Variants in LONRF2 observed in about 807,000 individuals in gnomAD.
The protein encoded by LONRF2 is LON peptidase N-terminal domain and RING finger protein 2.
A neutral mutation model predicts 66.6 loss-of-function variants in LONRF2; 35 were observed. The ratio of observed to expected loss-of-function variants is 0.53; its 90% CI spans 0.40 to 0.70. LONRF2 has a LOEUF of 0.70. LONRF2 is among the 30% of genes least tolerant of loss of function. The pLI is 0.00. For synonymous variants in LONRF2, 417 were observed against 418.1 expected, an observed-to-expected ratio of 1.00 and a Z score of 0.03; for missense variants, 902 against 1,002.1, an observed-to-expected ratio of 0.90 and a Z score of 1.35.
At chr2:100,308,552 C>T (rs1274923303) in intron 2 of LONRF2, among the ~76,000 whole-genome samples, 2 of 152,128 alleles carry the variant, frequency 1.3e-5, no homozygotes, top group African/African-American at 4.8e-5. Context: ...TATTCTTTGG[C>T]TTCTTAAACT....
intron 8 of LONRF2, among the ~76,000 whole-genome samples, chr2:100,294,960 T>C (rs899973144): frequency 1.3e-5 from 2 of 151,392 alleles, no homozygotes; most frequent in African/African-American, 4.8e-5. Context: ...AACAAATACA[T>C]TTATATTATT....
At chr2:100,295,678 T>C in intron 7 of LONRF2, 125 bp from the exon 8 acceptor site, 1 of 918,516 alleles carries the variant, frequency 1.1e-6, no homozygotes, top group Non-Finnish European at 1.6e-6. Flanking sequence ...GGAAAAGGGA[T>C]GGAGAGAGAG....
chr2:100,299,826 C>T lies in LONRF2; in HGVS notation c.1158G>A (p.Ala386=), dbSNP rs373611734. Residue 386 remains alanine (A), a synonymous_variant, in exon 5 of 12, where the codon GCG becomes GCA. Coordinates refer to ENST00000393437, the MANE Select transcript of LONRF2 (RefSeq NM_198461.4). ...LGLHFEEDKK[A]LESILPTAPS... ...GTGCTGTTGGAAGGATGCTTTCTAA[C>T]GCCTTTTTATCCTCTTCAAAGTGTA... is the stretch of plus-strand genomic sequence containing the variant. The T allele has an allele frequency of 8.2e-5, 133 of 1,613,464 alleles. No individual in the cohort carries two copies. The highest frequency in any genetic ancestry group is 1.6e-4 in the African/African-American group (12 of 74,848).
chr2:100,296,100 A>C (rs891885755), intron 7 of LONRF2, among the ~76,000 whole-genome samples: 2 of 152,106 alleles, frequency 1.3e-5, no homozygotes, highest in African/African-American at 4.8e-5. Flanking sequence ...CATGGATTAA[A>C]GCGGGATGTG....
intron 1 of LONRF2, among the ~76,000 whole-genome samples, chr2:100,320,798 C>T (rs1382347621): frequency 6.6e-6 from 1 of 152,198 alleles, no homozygotes; most frequent in Non-Finnish European, 1.5e-5. Flanking sequence ...GTGCCTGTTG[C>T]TGGCCTTAGG....
intron 10 of LONRF2, 82 bp from the exon 11 acceptor site, chr2:100,287,145 A>C: frequency 7.7e-7 from 1 of 1,304,352 alleles, no homozygotes; most frequent in Non-Finnish European, 1.0e-6. Context: ...CACCTCCACT[A>C]AGTGGATTTG....
intron 10 of LONRF2, 142 bp from the exon 11 acceptor site, chr2:100,287,205 C>G: frequency 1.3e-6 from 1 of 754,180 alleles, no homozygotes. Context: ...ATGGTACATG[C>G]TCAATATAGA....
intron 2 of LONRF2, among the ~76,000 whole-genome samples, chr2:100,305,967 C>A (rs560841498): frequency 3.3e-5 from 5 of 152,278 alleles, no homozygotes; most frequent in African/African-American, 9.6e-5. Flanking sequence ...CGGCTCACTG[C>A]AACCTCCACC....
intron 4 of LONRF2, 54 bp from the exon 5 acceptor site, chr2:100,299,972 G>T: frequency 3.1e-6 from 3 of 969,312 alleles, no homozygotes; most frequent in Non-Finnish European, 4.4e-6. Context: ...CATAGCATAA[G>T]AGAAAAAGAA....
At chr2:100,310,750 T>C (rs1237333932) in intron 1 of LONRF2, among the ~76,000 whole-genome samples, 3 of 152,232 alleles carry the variant, frequency 2.0e-5, no homozygotes, top group Non-Finnish European at 2.9e-5. Flanking sequence ...ACAGGCCAGA[T>C]AGTAACTATT....
At chr2:100,294,108 C>T in intron 9 of LONRF2, 121 bp downstream of exon 9, 1 of 1,170,526 alleles carries the variant, frequency 8.5e-7, no homozygotes, top group Non-Finnish European at 1.2e-6. Flanking sequence ...TGAACTTGGA[C>T]TTTGTTACGT....
In LONRF2 at chr2:100,321,798, G is replaced by A. The variant is rs1178321190; in HGVS notation, c.296C>T (p.Ala99Val). The stretch of plus-strand genomic sequence containing the variant: ...GCCCACGGCGCGCACCAGGCCGCCC[G>A]CCAGCTCTTCCAGCTCCTCCGGCCG... The part of the protein sequence containing the change: ...ALRPEELEEL[A>V]GGLVRAVGLR... Residue 99 changes from alanine to valine, a missense_variant, in exon 1 of 12, where the codon GCG becomes GTG. By Grantham distance (64) the Ala-to-Val change is moderately conservative. Around this residue, in one of 2 missense-constraint regions of LONRF2, gnomAD observed 585 missense variants for 569.9 expected, o/e 1.03. Transcript: ENST00000393437. 1.9e-6 allele frequency: 2 copies of A among 1,072,014 alleles called. No homozygotes were observed. Among genetic ancestry groups the A allele is most frequent in the African/African-American group, 1.7e-5 (1 of 58,864 alleles). The allele number at this position is 1,072,014 out of a possible 1,614,324, so 66.4% of individuals were successfully genotyped here. A position where few individuals can be genotyped will look rare whatever the true frequency, so the allele number is the denominator to read the frequency against.
intron 2 of LONRF2, among the ~76,000 whole-genome samples, chr2:100,305,833 T>C (rs950727336): frequency 6.6e-6 from 1 of 152,206 alleles, no homozygotes; most frequent in African/African-American, 2.4e-5. Flanking sequence ...TCAGCTTTTG[T>C]GGAGCCTGAA....
intron 10 of LONRF2, 51 bp from the exon 11 acceptor site, chr2:100,287,114 T>C (rs368323019): frequency 1.3e-6 from 2 of 1,557,336 alleles, no homozygotes; most frequent in Non-Finnish European, 8.7e-7. Context: ...GTAATGCACG[T>C]AACACAGTCA....
chr2:100,300,345 C>T (rs185990642), intron 4 of LONRF2, among the ~76,000 whole-genome samples: 4 of 152,098 alleles, frequency 2.6e-5, no homozygotes, highest in Non-Finnish European at 4.4e-5. Flanking sequence ...TGGTGTGCTG[C>T]CCCCTTTAAC....
intron 2 of LONRF2, among the ~76,000 whole-genome samples, chr2:100,307,254 C>T (rs1201739073): frequency 1.3e-5 from 2 of 152,160 alleles, no homozygotes; most frequent in African/African-American, 4.8e-5. Context: ...TTGGCTGAAG[C>T]TGCTCTTCAC....
Position 100,283,745 on chromosome 2 carries a change from G to A in LONRF2, c.*553C>T, listed in dbSNP as rs569885568. On this transcript the variant is annotated 3_prime_UTR_variant, in exon 12 of 12. Transcript: ENST00000393437. ...TTCTATCCAGAGGCTACTACTTCTT[G>A]GGTAAGGACTAGTTTGGGCTCCTGC... The A allele has an allele frequency of 6.6e-5, 10 of 152,304 alleles. No individual in the cohort carries two copies. Among genetic ancestry groups the A allele is most frequent in the African/African-American group, 2.4e-4 (10 of 41,538 alleles). 9.4% of individuals were successfully genotyped at this position (152,304 alleles called of 1,614,324 possible).
chr2:100,271,950 A>G lies in LONRF2; in HGVS notation c.*12348T>C, dbSNP rs1169088916. The stretch of plus-strand genomic sequence containing the variant: ...AGAAAGTTTCATCCAACAGTGCTGA[A>G]GGAGTTAAGATTAGTCACTGCATGA... On this transcript the variant is annotated 3_prime_UTR_variant, in exon 12 of 12. Transcript: ENST00000393437. Among the ~76,000 whole-genome samples the G allele has an allele frequency of 6.6e-6, 1 of 152,218 alleles. No homozygotes were observed. Among genetic ancestry groups the G allele is most frequent in the Non-Finnish European group, 1.5e-5 (1 of 68,044 alleles).
intron 1 of LONRF2, among the ~76,000 whole-genome samples, chr2:100,310,544 A>T (rs751773034): frequency 4.6e-5 from 7 of 152,258 alleles, no homozygotes; most frequent in Non-Finnish European, 1.0e-4. Flanking sequence ...AAGATATTAC[A>T]TCAAGACATG....
Sources: allele counts gnomAD v4.1 joint callset (sites outside exome capture counted in the v4.1 genomes callset), GRCh38; gene constraint gnomAD v4.1.1; regional missense constraint gnomAD v4.1.1; transcripts MANE v1.5; gene names NCBI Gene and HGNC (gene_info 2026-07-23, HGNC 2026-07-21).